The following SERGEF variants were observed in gnomAD, a reference collection of about 807,000 sequenced individuals.
SERGEF encodes secretion-regulating guanine nucleotide exchange factor.
A neutral mutation model predicts 50.0 loss-of-function variants in SERGEF; 51 were observed. The observed-to-expected ratio is 1.02, with a 90% CI of 0.81 to 1.29. The LOEUF is 1.29. SERGEF is among the 50% of genes most tolerant of loss of function. SERGEF has a pLI of 0.00. For missense variants in SERGEF, 521 were observed against 557.0 expected (o/e 0.94, Z 0.65); for synonymous variants, 205 against 212.4 (o/e 0.97, Z 0.30).
chr11:17,817,304 T>G (rs991940297), intron 10 of SERGEF, among the ~76,000 whole-genome samples: 5 of 150,926 alleles, frequency 3.3e-5, no homozygotes, highest in African/African-American at 1.2e-4. Context: ...AAGTTCCGCC[T>G]CCCGGGTTCA....
At chr11:17,864,923 T>C (rs1262883271) in intron 10 of SERGEF, among the ~76,000 whole-genome samples, 1 of 152,228 alleles carries the variant, frequency 6.6e-6, no homozygotes, top group Admixed American at 6.5e-5. Flanking sequence ...AAGAATTCAA[T>C]AAACAGTTTT....
chr11:17,887,420 T>C (rs1851450333), intron 9 of SERGEF, among the ~76,000 whole-genome samples: 1 of 152,188 alleles, frequency 6.6e-6, no homozygotes, highest in Non-Finnish European at 1.5e-5. Context: ...GAGAACAAAA[T>C]GGAACCATGT....
At position 17,941,683 on chromosome 11, in the gene SERGEF, T is replaced by C. The variant is rs1204348729; in HGVS notation, c.1011+17787A>G. On this transcript the variant is annotated intron_variant, in intron 9 of 10. Transcript: ENST00000265965. Reference sequence around the variant, plus strand: ...ATTACTGGATCATATGGTAATTCTATTTTTAATGCTCTGAGGAACTGTCAT... The same window carrying C: ...ATTACTGGATCATATGGTAATTCTACTTTTAATGCTCTGAGGAACTGTCAT... 7.2e-5 allele frequency among the ~76,000 whole-genome samples: 11 copies of C among 152,326 alleles called. No homozygotes were observed. The East Asian group carries it at 2.1e-3, about 29-fold the overall frequency.
At chr11:17,859,036 C>A (rs1466882295) in intron 10 of SERGEF, among the ~76,000 whole-genome samples, 1 of 152,006 alleles carries the variant, frequency 6.6e-6, no homozygotes, top group Non-Finnish European at 1.5e-5. Flanking sequence ...TGATGCAGGC[C>A]ATAGAGAGGC....
intron 7 of SERGEF, among the ~76,000 whole-genome samples, chr11:17,990,814 T>G (rs1365888760): frequency 1.3e-5 from 2 of 152,016 alleles, no homozygotes; most frequent in Non-Finnish European, 2.9e-5. Context: ...TCACCCAGGC[T>G]GGAGTACAGT....
intron 10 of SERGEF, among the ~76,000 whole-genome samples, chr11:17,799,378 G>A (rs1259833652): frequency 6.6e-6 from 1 of 152,194 alleles, no homozygotes; most frequent in Admixed American, 6.5e-5. Context: ...TCTCTTACCT[G>A]GCCTGGCCCG....
At chr11:17,929,968 T>C (rs2283239) in intron 9 of SERGEF, among the ~76,000 whole-genome samples, 17,450 of 152,176 alleles carry the variant, frequency 0.11, 1,316 homozygotes, top group Middle Eastern at 0.22. Flanking sequence ...TAGAATATAG[T>C]AGGATTCGAT....
At chr11:17,943,040 T>C (rs1852589475) in intron 9 of SERGEF, among the ~76,000 whole-genome samples, 1 of 152,126 alleles carries the variant, frequency 6.6e-6, no homozygotes, top group Admixed American at 6.5e-5. Flanking sequence ...TCATAAGGGA[T>C]ACTAATCAAT....
intron 9 of SERGEF, among the ~76,000 whole-genome samples, chr11:17,918,510 C>T (rs1852089315): frequency 6.6e-6 from 1 of 152,134 alleles, no homozygotes; most frequent in African/African-American, 2.4e-5. Context: ...CATTCATTCC[C>T]TCATTCAAAG....
chr11:17,806,587 G>A (rs945709937), intron 10 of SERGEF, among the ~76,000 whole-genome samples: 6 of 152,182 alleles, frequency 3.9e-5, no homozygotes, highest in Non-Finnish European at 5.9e-5. Context: ...CACAGCCTCT[G>A]TATTGCTGGG....
Position 17,878,246 on chromosome 11 carries a change from TG to T in SERGEF, c.1012-3del. The T allele has an allele frequency of 6.5e-7, 1 of 1,540,770 alleles. No individual in the cohort carries two copies. Among genetic ancestry groups the T allele is most frequent in the Non-Finnish European group, 8.8e-7 (1 of 1,134,552 alleles). ...ATTATGCTCTGAGCCACAAGAGACC[TG>T]TAAAAAAAAAAAAAGACAAAGAAAA... On this transcript the variant is annotated splice_polypyrimidine_tract_variant and splice_region_variant and intron_variant, in intron 9 of 10. Coordinates refer to ENST00000265965, the MANE Select transcript of SERGEF (RefSeq NM_012139.4).
At chr11:17,849,918 C>T (rs1307175285) in intron 10 of SERGEF, among the ~76,000 whole-genome samples, 2 of 152,178 alleles carry the variant, frequency 1.3e-5, no homozygotes, top group Non-Finnish European at 2.9e-5. Context: ...ATCTCTGTTA[C>T]TTTCAAGATA....
chr11:17,793,353 T>C (rs1207257648), intron 10 of SERGEF, among the ~76,000 whole-genome samples: 1 of 152,180 alleles, frequency 6.6e-6, no homozygotes, highest in Non-Finnish European at 1.5e-5. Flanking sequence ...AAGCAAAGGA[T>C]TGGTTATCCC....
intron 9 of SERGEF, among the ~76,000 whole-genome samples, chr11:17,931,430 C>T (rs867597599): frequency 1.3e-5 from 2 of 152,122 alleles, no homozygotes; most frequent in South Asian, 4.1e-4. Context: ...CTCAAATGTC[C>T]TGGGCCTGCT....
At chr11:17,795,307 C>A (rs780268109) in intron 10 of SERGEF, among the ~76,000 whole-genome samples, 1 of 152,142 alleles carries the variant, frequency 6.6e-6, no homozygotes, top group Non-Finnish European at 1.5e-5. Flanking sequence ...TCCCTAGGGT[C>A]CTGCTGTGAG....
intron 10 of SERGEF, among the ~76,000 whole-genome samples, chr11:17,820,051 C>T (rs1258703275): frequency 6.6e-6 from 1 of 151,948 alleles, no homozygotes; most frequent in Non-Finnish European, 1.5e-5. Flanking sequence ...ACTATGTTGT[C>T]CTGGCTGCTC....
intron 9 of SERGEF, among the ~76,000 whole-genome samples, chr11:17,924,848 C>T (rs1451807722): frequency 6.6e-6 from 1 of 152,098 alleles, no homozygotes; most frequent in African/African-American, 2.4e-5. Flanking sequence ...TCCATGTTTG[C>T]TGTCTTACAA....
At chr11:17,924,605 T>C (rs1342845879) in intron 9 of SERGEF, among the ~76,000 whole-genome samples, 2 of 138,290 alleles carry the variant, frequency 1.4e-5, no homozygotes, top group Non-Finnish European at 3.0e-5. Flanking sequence ...GTGTGGAGGG[T>C]AGAAAAAAGG....
intron 7 of SERGEF, among the ~76,000 whole-genome samples, chr11:17,990,566 G>C (rs1853692020): frequency 6.6e-6 from 1 of 152,198 alleles, no homozygotes; most frequent in Non-Finnish European, 1.5e-5. Flanking sequence ...ACTTATCTTA[G>C]TAGCTCTAAA....
Sources: gnomAD v4.1 joint callset for allele counts (sites outside exome capture counted in the v4.1 genomes callset) on GRCh38, gnomAD v4.1.1 for gene constraint, MANE v1.5 for transcripts, NCBI Gene and HGNC (gene_info 2026-07-23, HGNC 2026-07-21) for gene names.